COP1: variants seen among roughly 807,000 people sequenced by gnomAD.
COP1 encodes the protein E3 ubiquitin-protein ligase COP1.
COP1 carries 24 observed loss-of-function variants against 101.3 expected under a neutral mutation model. The ratio of observed to expected loss-of-function variants is 0.24; its 90% CI spans 0.17 to 0.33. The LOEUF (loss-of-function observed/expected upper bound fraction) is 0.33, where lower values mean the gene tolerates loss of function less well. COP1 is among the 10% of genes least tolerant of loss of function. The pLI is 1.00. For synonymous variants in COP1, 347 were observed against 341.9 expected (o/e 1.01, Z -0.17); for missense variants, 663 against 906.2 (o/e 0.73, Z 3.45).
chr1:176,039,747 A>C (rs1337036992), intron 14 of COP1, among the ~76,000 whole-genome samples: 1 of 152,202 alleles, frequency 6.6e-6, no homozygotes, highest in East Asian at 1.9e-4. Flanking sequence ...AGAAAGACTA[A>C]AGATAAACTC....
At chr1:176,011,804 T>C (rs938086090) in intron 15 of COP1, among the ~76,000 whole-genome samples, 4 of 152,238 alleles carry the variant, frequency 2.6e-5, no homozygotes, top group Non-Finnish European at 4.4e-5. Context: ...CCTAGAGACT[T>C]TGTGCCTATT....
At chr1:176,175,870 T>A (rs757671326) in intron 3 of COP1, 40 bp downstream of exon 3, 1 of 1,188,546 alleles carries the variant, frequency 8.4e-7, no homozygotes, top group Non-Finnish European at 1.2e-6. Context: ...ATTTTGGGGA[T>A]CGAAATATTT....
At chr1:176,086,752 A>G (rs1558078877) in intron 9 of COP1, among the ~76,000 whole-genome samples, 2 of 152,202 alleles carry the variant, frequency 1.3e-5, no homozygotes, top group Admixed American at 6.5e-5. Flanking sequence ...AGAACTGGCA[A>G]AACTACTTTA....
intron 11 of COP1, among the ~76,000 whole-genome samples, chr1:176,074,081 C>A (rs1425707514): frequency 6.6e-6 from 1 of 152,114 alleles, no homozygotes; most frequent in African/African-American, 2.4e-5. Flanking sequence ...CATACGCCAC[C>A]ATGCCTGGCT....
intron 18 of COP1, among the ~76,000 whole-genome samples, chr1:175,958,481 C>T (rs934541269): frequency 6.6e-6 from 1 of 151,946 alleles, no homozygotes; most frequent in Non-Finnish European, 1.5e-5. Flanking sequence ...TCCTCTCTCC[C>T]TGTTCAATAT....
chr1:175,977,224 C>T (rs935398418), intron 18 of COP1, among the ~76,000 whole-genome samples: 1 of 152,162 alleles, frequency 6.6e-6, no homozygotes, highest in Admixed American at 6.5e-5. Flanking sequence ...TAATTCTCTA[C>T]AATGTGTAAA....
At chr1:175,983,314 G>GTT (rs946606708) in intron 18 of COP1, among the ~76,000 whole-genome samples, 1 of 152,126 alleles carries the variant, frequency 6.6e-6, no homozygotes, top group African/African-American at 2.4e-5. Flanking sequence ...AGTCTTTCCC[G>GTT]AACTGTTCTC....
chr1:176,125,419 A>C (rs1387713342), intron 8 of COP1, among the ~76,000 whole-genome samples: 2 of 152,122 alleles, frequency 1.3e-5, no homozygotes, highest in African/African-American at 2.4e-5. Context: ...TTGCAGCAGG[A>C]ATCAAGTTTC....
chr1:176,205,938 A>G (rs561913144), intron 1 of COP1, among the ~76,000 whole-genome samples: 5 of 152,364 alleles, frequency 3.3e-5, no homozygotes, highest in South Asian at 2.1e-4. Flanking sequence ...AAATCTGTTA[A>G]CAGACTTTGA....
At chr1:176,020,310 C>T (rs1186882522) in intron 15 of COP1, among the ~76,000 whole-genome samples, 2 of 129,092 alleles carry the variant, frequency 1.5e-5, no homozygotes, top group East Asian at 2.3e-4. Flanking sequence ...GACTCCATCT[C>T]GGAAAAAAAA....
Position 175,988,289 on chromosome 1 carries a change from A to G in COP1, c.1971T>C (p.Cys657=). Residue 657 remains cysteine, a splice_region_variant and synonymous_variant, in exon 17 of 20, where the codon TGT becomes TGC. Coordinates refer to ENST00000367669, the MANE Select transcript of COP1 (RefSeq NM_022457.7). ...GLASNGDYIA[C]GSENNSLYLY... is the part of the protein sequence containing the mutation. ...CCTGGAAACGATGGTTTCACTTACC[A>G]CAAGCTATATAATCTCCATTGGAAG... The G allele has an allele frequency of 6.2e-7, 1 of 1,603,312 alleles. No individual in the cohort carries two copies. The highest frequency in any genetic ancestry group is 8.5e-7 in the Non-Finnish European group (1 of 1,174,690).
intron 3 of COP1, among the ~76,000 whole-genome samples, chr1:176,171,995 G>C (rs1040591018): frequency 6.6e-6 from 1 of 152,084 alleles, no homozygotes; most frequent in Non-Finnish European, 1.5e-5. Context: ...TGATAAAACA[G>C]TTCTGAAGTA....
chr1:176,087,987 C>T (rs940804949), intron 9 of COP1, among the ~76,000 whole-genome samples: 7 of 152,148 alleles, frequency 4.6e-5, no homozygotes, highest in African/African-American at 1.7e-4. Context: ...CCATCATTCT[C>T]AGCAAACTAT....
intron 18 of COP1, among the ~76,000 whole-genome samples, chr1:175,957,587 A>G (rs1282064985): frequency 6.6e-6 from 1 of 152,222 alleles, no homozygotes; most frequent in Non-Finnish European, 1.5e-5. Context: ...TAAGTGACCA[A>G]TGAATGTAAT....
At chr1:176,000,709 A>G (rs1393131617) in intron 15 of COP1, among the ~76,000 whole-genome samples, 2 of 151,880 alleles carry the variant, frequency 1.3e-5, no homozygotes, top group African/African-American at 2.4e-5. Flanking sequence ...TATATGGTAG[A>G]ATTTTTACAT....
At chr1:176,006,783 T>A (rs1048930065) in intron 15 of COP1, among the ~76,000 whole-genome samples, 4 of 152,116 alleles carry the variant, frequency 2.6e-5, no homozygotes, top group African/African-American at 9.7e-5. Flanking sequence ...CCCTTAACAT[T>A]TTTTCCTTCA....
At chr1:176,104,131 G>A (rs758852824) in intron 9 of COP1, among the ~76,000 whole-genome samples, 2 of 152,104 alleles carry the variant, frequency 1.3e-5, no homozygotes, top group Non-Finnish European at 2.9e-5. Flanking sequence ...GGGGCACATA[G>A]CTAGTCATTT....
chr1:176,064,370 T>C (rs946044815), intron 11 of COP1, among the ~76,000 whole-genome samples: 1 of 152,252 alleles, frequency 6.6e-6, no homozygotes, highest in African/African-American at 2.4e-5. Flanking sequence ...TATACTGCTC[T>C]AAGACAATAT....
chr1:175,956,515 T>C (rs1418158696), intron 18 of COP1, among the ~76,000 whole-genome samples: 3 of 152,070 alleles, frequency 2.0e-5, no homozygotes, highest in African/African-American at 7.2e-5. Flanking sequence ...CCCTGATAAA[T>C]TGGACTTCAT....
Sources: gnomAD v4.1 joint callset for allele counts (sites outside exome capture counted in the v4.1 genomes callset) on GRCh38, gnomAD v4.1.1 for gene constraint, MANE v1.5 for transcripts, NCBI Gene and HGNC (gene_info 2026-07-23, HGNC 2026-07-21) for gene names.